Variants in BNC1 observed in about 807,000 individuals in gnomAD.
The protein encoded by BNC1 is zinc finger protein basonuclin-1.
In BNC1, 8 loss-of-function variants were observed where a neutral mutation model predicts 66.5. That is an observed-to-expected ratio of 0.12 (90% confidence interval 0.07 to 0.22). The LOEUF (loss-of-function observed/expected upper bound fraction) is 0.22, where lower values mean the gene tolerates loss of function less well. BNC1 is among the 10% of genes least tolerant of loss of function. BNC1 has a pLI of 1.00. For missense variants in BNC1, 1,069 were observed against 1,241.3 expected, an observed-to-expected ratio of 0.86 and a Z score of 2.09; for synonymous variants, 454 against 452.6, an observed-to-expected ratio of 1.00 and a Z score of -0.04.
chr15:83,266,688 G>A, intron 3 of BNC1, 148 bp downstream of exon 3: 1 of 702,308 alleles, frequency 1.4e-6, no homozygotes, highest in Non-Finnish European at 2.5e-6. Context: ...AGAACATGAG[G>A]TAGGGGCTTA....
rs1417598087 is a variant in BNC1 at position 83,257,260 on chromosome 15, C to T, written c.*182G>A. 4.5e-6 allele frequency: 3 copies of T among 670,820 alleles called. No individual in the cohort carries two copies. The Admixed American group carries it at 9.2e-5, about 21-fold the overall frequency. 41.6% of individuals were successfully genotyped at this position (670,820 alleles called of 1,614,324 possible). A position where few individuals can be genotyped will look rare whatever the true frequency, so the allele number is the denominator to read the frequency against. On this transcript the variant is annotated 3_prime_UTR_variant, in exon 5 of 5. Transcript: ENST00000345382. The stretch of plus-strand genomic sequence containing the variant: ...TAAGAAAAATAATAGGAAGGGCTGC[C>T]CCAGTGTCATCTTCCCACGAGGTTT...
At position 83,264,095 on chromosome 15, in the gene BNC1, T is replaced by G. The variant is rs372171219; in HGVS notation, c.1156A>C (p.Lys386Gln). The change falls in exon 4 of 5, where the codon AAG becomes CAG. Residue 386 changes from lysine to glutamine, a missense_variant. Transcript: ENST00000345382. ...ATGTTACACCCTTCGATGGTGCACT[T>G]ATGCTTGATCTTCAAGTGGACGGCA... ...YNAVHLKIKH[K>Q]CTIEGCNMVF... 1.0e-4 allele frequency: 166 copies of G among 1,614,058 alleles called. No homozygotes were observed. Among genetic ancestry groups the G allele is most frequent in the Non-Finnish European group, 1.4e-4 (163 of 1,180,046 alleles).
chr15:83,271,409 T>A (rs1782428381), intron 1 of BNC1, among the ~76,000 whole-genome samples: 2 of 152,150 alleles, frequency 1.3e-5, no homozygotes, highest in Non-Finnish European at 2.9e-5. Context: ...AACTGAGGTG[T>A]ACAGTAAATA....
At chr15:83,258,647 T>C (rs2038109923) in intron 4 of BNC1, among the ~76,000 whole-genome samples, 1 of 152,128 alleles carries the variant, frequency 6.6e-6, no homozygotes, top group African/African-American at 2.4e-5. Flanking sequence ...AACCAGGAGA[T>C]CCCAGGAGAA....
chr15:83,267,930 G>A (rs1339075873), intron 2 of BNC1, among the ~76,000 whole-genome samples: 1 of 152,116 alleles, frequency 6.6e-6, no homozygotes, highest in Non-Finnish European at 1.5e-5. Context: ...TACATCTTTA[G>A]AATGAGGTTA....
At chr15:83,262,477 A>G (rs557712582) in intron 4 of BNC1, among the ~76,000 whole-genome samples, 17 of 152,326 alleles carry the variant, frequency 1.1e-4, no homozygotes, top group African/African-American at 3.8e-4. Flanking sequence ...TAATAAATCC[A>G]TTACTATTTG....
chr15:83,272,093 A>C (rs1440619488), intron 1 of BNC1, among the ~76,000 whole-genome samples: 2 of 152,230 alleles, frequency 1.3e-5, no homozygotes, highest in Non-Finnish European at 2.9e-5. Flanking sequence ...TCTCAATAGC[A>C]CCAGTACACT....
chr15:83,270,310 AC>A (rs1178713771), intron 1 of BNC1, among the ~76,000 whole-genome samples: 1 of 152,252 alleles, frequency 6.6e-6, no homozygotes, highest in African/African-American at 2.4e-5. Context: ...AGGAACATGT[AC>A]AATAATATGG....
Position 83,267,044 on chromosome 15 carries a change from A to T in BNC1, c.227T>A (p.Met76Lys), listed in dbSNP as rs748941683. ...HALSKLRIPP[M>K]YPTSQVEIVQ... ...AATCTCCACCTGGCTTGTTGGATACATGGGGGGGATCCTTAGCTTACTTAG... is the reference window on the plus strand; with the variant it reads ...AATCTCCACCTGGCTTGTTGGATACTTGGGGGGGATCCTTAGCTTACTTAG... The change falls in exon 3 of 5, where the codon ATG (methionine) becomes AAG (lysine). Residue 76 changes from methionine to lysine, a missense_variant. Met to Lys is a moderately conservative substitution (Grantham distance 95). This residue lies in a region of BNC1 where 30 missense variants were observed against 20.2 expected (regional missense o/e 1.49). Transcript: ENST00000345382. The T allele has an allele frequency of 1.9e-6, 3 of 1,613,974 alleles. No homozygotes were observed. Among genetic ancestry groups the T allele is most frequent in the Non-Finnish European group, 2.5e-6 (3 of 1,179,858 alleles).
At position 83,263,603 on chromosome 15, in the gene BNC1, C is replaced by T. The variant is rs147143632; in HGVS notation, c.1648G>A (p.Ala550Thr). The change falls in exon 4 of 5, where the codon GCT (alanine) becomes ACT (threonine). Residue 550 changes from alanine to threonine, a missense_variant. Physicochemically the swap from Ala to Thr is moderately conservative, Grantham distance 58. Transcript: ENST00000345382. ...CTTTTCTCATTAGCTATTTCCACAGCTTCTTTCTCTATTTTGATAGGCATA... is the reference window on the plus strand; with the variant it reads ...CTTTTCTCATTAGCTATTTCCACAGTTTCTTTCTCTATTTTGATAGGCATA... ...SSMPIKIEKE[A>T]VEIANEKRHN... 1.4e-3 allele frequency: 2,218 copies of T among 1,614,218 alleles called. 2 individuals carry two copies. The highest frequency in any genetic ancestry group is 1.7e-3 in the Non-Finnish European group (1,990 of 1,180,052).
chr15:83,264,328 G>A lies in BNC1; in HGVS notation c.923C>T (p.Pro308Leu), dbSNP rs146985300. 15 of 1,613,906 alleles carry A rather than the reference G, an allele frequency of 9.3e-6. No homozygotes were observed. Among genetic ancestry groups the A allele is most frequent in the South Asian group, 4.4e-5 (4 of 91,064 alleles). Reference sequence around the variant, plus strand: ...GTCTTCTTTTTTAGTAATAGCATCCGGACAGTTTAAACACTGATCTTTTTC... The same window carrying A: ...GTCTTCTTTTTTAGTAATAGCATCCAGACAGTTTAAACACTGATCTTTTTC... ...QVEKDQCLNC[P>L]DAITKKEDST... The change falls in exon 4 of 5, where the codon CCG becomes CTG. Residue 308 changes from proline (P) to leucine (L), a missense_variant. Coordinates refer to ENST00000345382, the MANE Select transcript of BNC1 (RefSeq NM_001717.4).
chr15:83,272,394 C>CTTTT (rs750429207), intron 1 of BNC1, among the ~76,000 whole-genome samples: 10,854 of 122,352 alleles, frequency 0.089, 927 homozygotes, highest in African/African-American at 0.2. Flanking sequence ...CCACACCTGG[C>CTTTT]TTTTTTTTTT....
intron 1 of BNC1, among the ~76,000 whole-genome samples, chr15:83,276,169 G>A (rs1458167076): frequency 6.6e-6 from 1 of 152,192 alleles, no homozygotes; most frequent in Non-Finnish European, 1.5e-5. Context: ...CAGATGGGGA[G>A]CTGAAGCAAT....
At chr15:83,277,282 G>T (rs558436333) in intron 1 of BNC1, among the ~76,000 whole-genome samples, 2 of 152,092 alleles carry the variant, frequency 1.3e-5, no homozygotes, top group East Asian at 3.9e-4. Flanking sequence ...GTCTCACTAT[G>T]TTGCTTAGGC....
intron 2 of BNC1, 130 bp downstream of exon 2, chr15:83,268,003 T>G (rs1369931198): frequency 1.4e-6 from 1 of 720,440 alleles, no homozygotes; most frequent in East Asian, 2.6e-5. Flanking sequence ...GCCTGTTACC[T>G]GGGACATGCT....
Position 83,283,480 on chromosome 15 carries a change from G to C in BNC1, c.99+1050C>G, listed in dbSNP as rs1188547406. ...GACGGGGCGCTCCCGAGACGGGCGA[G>C]CCACGCGCTCGCAGGTCCCAAGGCC... On this transcript the variant is annotated intron_variant, in intron 1 of 4. Coordinates refer to ENST00000345382, the MANE Select transcript of BNC1 (RefSeq NM_001717.4). 6 of 985,314 alleles carry C rather than the reference G, an allele frequency of 6.1e-6. No homozygotes were observed. In the East Asian group the frequency reaches 6.8e-4, roughly 112 times the overall value. 61.0% of individuals were successfully genotyped at this position (985,314 alleles called of 1,614,324 possible).
chr15:83,263,259 G>A lies in BNC1; in HGVS notation c.1992C>T (p.Pro664=), dbSNP rs1014565385. The part of the protein sequence containing the change: ...HEHYFTPGME[P]QVPFSDYMEL... ...CCATGTAGTCAGAAAAAGGAACTTGGGGTTCCATCCCAGGTGTGAAGTAGT... is the reference window on the plus strand; with the variant it reads ...CCATGTAGTCAGAAAAAGGAACTTGAGGTTCCATCCCAGGTGTGAAGTAGT... Residue 664 remains proline (P), a synonymous_variant, in exon 4 of 5, where the codon CCC becomes CCT. Coordinates refer to ENST00000345382, the MANE Select transcript of BNC1 (RefSeq NM_001717.4). 1.2e-6 allele frequency: 2 copies of A among 1,614,062 alleles called. No homozygotes were observed. The highest frequency in any genetic ancestry group is 1.1e-5 in the South Asian group (1 of 91,082).
chr15:83,266,646 G>GT (rs1319594502), intron 3 of BNC1, among the ~76,000 whole-genome samples, 190 bp downstream of exon 3: 1 of 152,216 alleles, frequency 6.6e-6, no homozygotes, highest in African/African-American at 2.4e-5. Context: ...AGCTTCATAG[G>GT]TATCTTGGAG....
chr15:83,270,099 C>T (rs554450535), intron 1 of BNC1, among the ~76,000 whole-genome samples: 1 of 152,262 alleles, frequency 6.6e-6, no homozygotes, highest in African/African-American at 2.4e-5. Context: ...GAAGTGACTG[C>T]TAGTGGGTAG....
Sources: allele counts gnomAD v4.1 joint callset (sites outside exome capture counted in the v4.1 genomes callset), GRCh38; gene constraint gnomAD v4.1.1; regional missense constraint gnomAD v4.1.1; transcripts MANE v1.5; gene names NCBI Gene and HGNC (gene_info 2026-07-23, HGNC 2026-07-21).